The following FAU variants were observed in gnomAD, a reference collection of about 807,000 sequenced individuals.
The protein encoded by FAU is ubiquitin-like FUBI-ribosomal protein eS30 fusion protein.
For missense variants in FAU, 125 were observed against 173.9 expected (o/e 0.72, Z 1.58); for synonymous variants, 70 against 69.9 (o/e 1.00, Z -0.01).
At chr11:65,121,858 G>A in intron 1 of FAU, 37 bp from the exon 2 acceptor site, 1 of 1,596,118 alleles carries the variant, frequency 6.3e-7, no homozygotes. Context: ...GAGAAGCCAA[G>A]AAATGCTCTG....
intron 3 of FAU, 164 bp from the exon 4 acceptor site, chr11:65,121,200 T>A: frequency 1.2e-6 from 1 of 813,414 alleles, no homozygotes; most frequent in Non-Finnish European, 1.9e-6. Context: ...CATTTCAGGA[T>A]CTTCCAGCTT....
At chr11:65,121,873 A>G in intron 1 of FAU, 52 bp from the exon 2 acceptor site, 2 of 1,585,472 alleles carry the variant, frequency 1.3e-6, no homozygotes, top group Non-Finnish European at 1.7e-6. Flanking sequence ...GCTCTGGGAT[A>G]AAGGAGATTT....
At chr11:65,121,135 C>A in intron 3 of FAU, 99 bp from the exon 4 acceptor site, 8 of 1,222,340 alleles carry the variant, frequency 6.5e-6, no homozygotes, top group South Asian at 2.6e-5. Context: ...AGAAGCTGCG[C>A]CCAATAGGTA....
intron 4 of FAU, 58 bp downstream of exon 4, chr11:65,120,921 TGG>T: frequency 6.2e-7 from 1 of 1,610,688 alleles, no homozygotes; most frequent in Non-Finnish European, 8.5e-7. Flanking sequence ...CCCAGGGACT[TGG>T]TTTAGCTGTG....
Position 65,121,748 on chromosome 11 carries a change from G to A in FAU, c.66C>T (p.Ala22=). 6.2e-7 allele frequency: 1 copy of A among 1,614,108 alleles called. No individual in the cohort carries two copies. The highest frequency in any genetic ancestry group is 8.5e-7 in the Non-Finnish European group (1 of 1,180,034). ...TFEVTGQETV[A]QIKAHVASLE... is the part of the protein sequence containing the mutation. Reference sequence around the variant, plus strand: ...CACCAAGCAGCCTTACCTTGATCTGGGCGACCGTTTCCTGGCCGGTCACCT... The same window carrying A: ...CACCAAGCAGCCTTACCTTGATCTGAGCGACCGTTTCCTGGCCGGTCACCT... The change falls in exon 2 of 5, where the codon GCC becomes GCT. Residue 22 remains alanine (A), a synonymous_variant. Coordinates refer to ENST00000529639, the MANE Select transcript of FAU (RefSeq NM_001997.5).
intron 3 of FAU, 59 bp from the exon 4 acceptor site, chr11:65,121,095 C>T: frequency 6.4e-7 from 1 of 1,555,824 alleles, no homozygotes; most frequent in Non-Finnish European, 8.8e-7. Flanking sequence ...CCCAGCAGAA[C>T]CCCTCTTTTC....
At chr11:65,121,413 A>G in intron 3 of FAU, 87 bp downstream of exon 3, 1 of 1,491,748 alleles carries the variant, frequency 6.7e-7, no homozygotes, top group Non-Finnish European at 9.1e-7. Context: ...CTATTACCAT[A>G]GGTGTGACAC....
intron 3 of FAU, 137 bp from the exon 4 acceptor site, chr11:65,121,173 C>T: frequency 2.1e-6 from 2 of 946,764 alleles, no homozygotes; most frequent in Non-Finnish European, 3.2e-6. Context: ...GATATTTGAC[C>T]TTGAAATCTT....
intron 3 of FAU, 103 bp from the exon 4 acceptor site, chr11:65,121,139 A>G: frequency 8.6e-7 from 1 of 1,157,894 alleles, no homozygotes; most frequent in South Asian, 1.3e-5. Flanking sequence ...GCTGCGCCCA[A>G]TAGGTAATGA....
chr11:65,121,039 GT>G lies in FAU; in HGVS notation c.221-4del. 3 of 1,614,164 alleles carry G rather than the reference GT, an allele frequency of 1.9e-6. No individual in the cohort carries two copies. In the South Asian group the frequency reaches 3.3e-5, roughly 18 times the overall value. On this transcript the variant is annotated splice_polypyrimidine_tract_variant and splice_region_variant and intron_variant, in intron 3 of 4. Transcript: ENST00000529639. ...GGCCAGGGAACCATGGACTTTACCT[GT>G]AGTGGGAAAGGAAGGCACCAGCAGG... is the stretch of plus-strand genomic sequence containing the variant.
rs370119546 is a variant in FAU at position 65,121,721 on chromosome 11, C to T, written c.75+18G>A. ...GAGCACAAGAAAATGGAACCCAGGG[C>T]GCACCAAGCAGCCTTACCTTGATCT... On this transcript the variant is annotated intron_variant, in intron 2 of 4. Transcript: ENST00000529639. 15 of 1,613,998 alleles carry T rather than the reference C, an allele frequency of 9.3e-6. No individual in the cohort carries two copies. The South Asian group carries it at 1.6e-4, about 18-fold the overall frequency.
chr11:65,121,745 C>G lies in FAU; in HGVS notation c.69G>C (p.Gln23His). Residue 23 changes from glutamine (Q) to histidine (H), a missense_variant, in exon 2 of 5, where the codon CAG becomes CAC. Coordinates refer to ENST00000529639, the MANE Select transcript of FAU (RefSeq NM_001997.5). ...FEVTGQETVA[Q>H]IKAHVASLEG... is the part of the protein sequence containing the mutation. ...GCGCACCAAGCAGCCTTACCTTGAT[C>G]TGGGCGACCGTTTCCTGGCCGGTCA... 6.2e-7 allele frequency: 1 copy of G among 1,614,124 alleles called. No individual in the cohort carries two copies. Among genetic ancestry groups the G allele is most frequent in the Non-Finnish European group, 8.5e-7 (1 of 1,180,048 alleles).
intron 3 of FAU, 176 bp from the exon 4 acceptor site, chr11:65,121,212 T>A: frequency 1.3e-6 from 1 of 796,018 alleles, no homozygotes; most frequent in Non-Finnish European, 2.0e-6. Context: ...TTCCAGCTTC[T>A]AATTTTATAG....
intron 4 of FAU, 56 bp downstream of exon 4, chr11:65,120,925 T>C: frequency 6.2e-7 from 1 of 1,612,176 alleles, no homozygotes; most frequent in Non-Finnish European, 8.5e-7. Context: ...GGGACTTGGT[T>C]TAGCTGTGAA....
At chr11:65,121,906 A>G (rs1948052707) in intron 1 of FAU, 85 bp from the exon 2 acceptor site, 1 of 1,368,160 alleles carries the variant, frequency 7.3e-7, no homozygotes, top group East Asian at 2.4e-5. Flanking sequence ...CGGTCCAGAA[A>G]CGATCGCGAC....
intron 3 of FAU, 39 bp from the exon 4 acceptor site, chr11:65,121,075 G>A (rs1948042564): frequency 6.2e-7 from 1 of 1,608,304 alleles, no homozygotes; most frequent in East Asian, 2.2e-5. Context: ...GTAAGAGCAA[G>A]AAGGTGCCAC....
rs1948038567 is a variant in FAU at position 65,120,696 on chromosome 11, G to A, written c.387C>T (p.Pro129=). 1 of 1,614,040 alleles carries A rather than the reference G, an allele frequency of 6.2e-7. No homozygotes were observed. The highest frequency in any genetic ancestry group is 1.3e-5 in the African/African-American group (1 of 74,928). Residue 129 remains proline (P), a synonymous_variant, in exon 5 of 5, where the codon CCC becomes CCT. Coordinates refer to ENST00000529639, the MANE Select transcript of FAU (RefSeq NM_001997.5). ...TACAAAAGACTTAAGAGTTGGCATT[G>A]GGGCCCTTCTTCTTGCCAAAGGTGG... ...VVPTFGKKKG[P]NANS
rs555378806 is a variant in FAU at position 65,121,794 on chromosome 11, G to A, written c.20C>T (p.Ala7Val). Reference sequence around the variant, plus strand: ...CACCTCGAAGGTGTGTAGCTCCTGGGCGCGGACAAAGAGCTGCATATTGGC... The same window carrying A: ...CACCTCGAAGGTGTGTAGCTCCTGGACGCGGACAAAGAGCTGCATATTGGC... MQLFVR[A>V]QELHTFEVTG... Residue 7 changes from alanine (A) to valine (V), a missense_variant, in exon 2 of 5, where the codon GCC becomes GTC. Coordinates refer to ENST00000529639, the MANE Select transcript of FAU (RefSeq NM_001997.5). 3 of 1,614,078 alleles carry A rather than the reference G, an allele frequency of 1.9e-6. No individual in the cohort carries two copies. Among genetic ancestry groups the A allele is most frequent in the East Asian group, 4.5e-5 (2 of 44,888 alleles).
At position 65,121,572 on chromosome 11, in the gene FAU, C is replaced by A; in HGVS notation, c.148G>T (p.Asp50Tyr). 1 of 1,614,034 alleles carries A rather than the reference C, an allele frequency of 6.2e-7. No homozygotes were observed. The highest frequency in any genetic ancestry group is 8.5e-7 in the Non-Finnish European group (1 of 1,180,038). The change falls in exon 3 of 5, where the codon GAT becomes TAT. Residue 50 changes from aspartate (D) to tyrosine (Y), a missense_variant. Transcript: ENST00000529639. ...CCGCACTGGCCCAGAGTGGCCTCAT[C>A]CTCCAGGGGCGCGCCTGCCAGGAGC... The part of the protein sequence containing the change: ...VVLLAGAPLE[D>Y]EATLGQCGVE...
Sources: gnomAD v4.1 joint callset for allele counts on GRCh38, gnomAD v4.1.1 for gene constraint, MANE v1.5 for transcripts, NCBI Gene and HGNC (gene_info 2026-07-23, HGNC 2026-07-21) for gene names.